Variants in UGGT2 observed in about 807,000 individuals in gnomAD.
UGGT2 encodes UDP-glucose:glycoprotein glucosyltransferase 2.
UGGT2 carries 180 observed loss-of-function variants against 192.1 expected under a neutral mutation model. That is an observed-to-expected ratio of 0.94 (90% CI 0.83 to 1.06). UGGT2 has a LOEUF of 1.06. UGGT2 is among the 50% of genes least tolerant of loss of function. The pLI, the probability that UGGT2 is intolerant of heterozygous loss-of-function variation, is 0.00. For synonymous variants in UGGT2, 580 were observed against 591.0 expected (o/e 0.98, Z 0.27); for missense variants, 1,849 against 1,795.7 (o/e 1.03, Z -0.54).
chr13:96,048,847 A>G (rs572647035), intron 1 of UGGT2, among the ~76,000 whole-genome samples: 1 of 152,190 alleles, frequency 6.6e-6, no homozygotes, highest in South Asian at 2.1e-4. Context: ...ATAATAGCCT[A>G]CCAAACAAAA....
At chr13:95,953,270 T>C (rs922551785) in intron 12 of UGGT2, among the ~76,000 whole-genome samples, 1 of 152,228 alleles carries the variant, frequency 6.6e-6, no homozygotes, top group African/African-American at 2.4e-5. Context: ...ATGCTACGTC[T>C]AAGTTTATGG....
At chr13:95,845,809 A>G (rs143942019) in intron 36 of UGGT2, among the ~76,000 whole-genome samples, 67 of 143,742 alleles carry the variant, frequency 4.7e-4, no homozygotes, top group African/African-American at 1.7e-3. Context: ...CGCTCTTCAC[A>G]TCTCAGACGG....
chr13:95,896,611 G>A (rs995180604), intron 22 of UGGT2, among the ~76,000 whole-genome samples: 1 of 151,974 alleles, frequency 6.6e-6, no homozygotes, highest in Non-Finnish European at 1.5e-5. Context: ...TTGTTTTAAG[G>A]GGTTAACTAC....
intron 15 of UGGT2, among the ~76,000 whole-genome samples, chr13:95,942,942 T>C (rs1356545847): frequency 6.6e-6 from 1 of 152,194 alleles, no homozygotes. Flanking sequence ...TCAAATGATT[T>C]TTACACAAGG....
chr13:95,807,974 T>A (rs1169312083), intron 38 of UGGT2, among the ~76,000 whole-genome samples: 1 of 152,100 alleles, frequency 6.6e-6, no homozygotes, highest in East Asian at 1.9e-4. Flanking sequence ...GAGTACTTTG[T>A]GTAACAAGGC....
intron 25 of UGGT2, among the ~76,000 whole-genome samples, chr13:95,888,451 G>A (rs2047708200): frequency 6.6e-6 from 1 of 152,108 alleles, no homozygotes. Context: ...TACTAATTTT[G>A]ATAGTCCCCA....
intron 7 of UGGT2, among the ~76,000 whole-genome samples, chr13:95,993,442 C>T (rs1327477952): frequency 6.6e-6 from 1 of 152,038 alleles, no homozygotes; most frequent in Non-Finnish European, 1.5e-5. Context: ...CAGTGTTCCA[C>T]GTGATCTTTT....
At chr13:95,834,725 T>C (rs1445562506) in intron 37 of UGGT2, among the ~76,000 whole-genome samples, 1 of 152,152 alleles carries the variant, frequency 6.6e-6, no homozygotes, top group Non-Finnish European at 1.5e-5. Flanking sequence ...GTATTGCTAT[T>C]GCTAGGAAGT....
At chr13:95,850,594 C>T (rs187815112) in intron 36 of UGGT2, among the ~76,000 whole-genome samples, 21 of 152,304 alleles carry the variant, frequency 1.4e-4, no homozygotes, top group East Asian at 3.9e-4. Context: ...AGACTGTGTA[C>T]GGGCCCAACA....
At chr13:95,856,788 ATAAAT>A in intron 33 of UGGT2, 1 of 268,934 alleles carries the variant, frequency 3.7e-6, no homozygotes, top group Non-Finnish European at 7.2e-6. Context: ...TTCTAAGCTG[ATAAAT>A]TAGATTCTAT....
chr13:95,940,057 A>G lies in UGGT2; in HGVS notation c.1712T>C (p.Leu571Pro), dbSNP rs756532917. The change falls in exon 16 of 39, where the codon CTC becomes CCC. Residue 571 changes from leucine to proline, a missense_variant. Coordinates refer to ENST00000376747, the MANE Select transcript of UGGT2 (RefSeq NM_020121.4). ...YQKVKKDQNI[L>P]TVDNVKSVLQ... is the part of the protein sequence containing the mutation. ...AACACTCTTCACATTGTCCACAGTG[A>G]GTATATTTTGATCCTTCTTCACTTT... 5.1e-6 allele frequency: 8 copies of G among 1,560,584 alleles called. No individual in the cohort carries two copies. The highest frequency in any genetic ancestry group is 6.9e-6 in the Non-Finnish European group (8 of 1,152,100).
intron 12 of UGGT2, among the ~76,000 whole-genome samples, chr13:95,968,742 T>A (rs528667920): frequency 2.9e-4 from 44 of 152,304 alleles, no homozygotes; most frequent in Admixed American, 9.2e-4. Context: ...TTTTTATGAA[T>A]TACCCAGTCT....
At chr13:95,997,543 T>G (rs571353913) in intron 6 of UGGT2, among the ~76,000 whole-genome samples, 1 of 152,218 alleles carries the variant, frequency 6.6e-6, no homozygotes, top group South Asian at 2.1e-4. Context: ...CTCAGGAGGC[T>G]GAAGCAAGAG....
chr13:96,009,764 C>T (rs1348109300), intron 5 of UGGT2, among the ~76,000 whole-genome samples: 4 of 152,076 alleles, frequency 2.6e-5, no homozygotes, highest in Non-Finnish European at 4.4e-5. Context: ...GCCGAGATCG[C>T]GCCACTGCAC....
chr13:95,985,020 A>C (rs1594509873), intron 9 of UGGT2: 1 of 162,684 alleles, frequency 6.1e-6, no homozygotes, highest in Middle Eastern at 2.9e-3. Context: ...GCCATTAAGC[A>C]ATGTTAGCAT....
chr13:95,938,728 G>C lies in UGGT2; in HGVS notation c.1812+1229C>G, dbSNP rs138013224. Among the ~76,000 whole-genome samples the C allele has an allele frequency of 6.1e-3, 933 of 152,182 alleles. 18 individuals carry two copies. The highest frequency in any genetic ancestry group is 4.3e-3 in the Non-Finnish European group (292 of 68,002). On this transcript the variant is annotated intron_variant, in intron 16 of 38. Transcript: ENST00000376747. The stretch of plus-strand genomic sequence containing the variant: ...GCAATGGCATCAACACTACCAGTTA[G>C]TTGTTCAGCTGAACCCTGGGAGTTA...
At chr13:96,047,243 T>C (rs1034671259) in intron 1 of UGGT2, among the ~76,000 whole-genome samples, 3 of 152,262 alleles carry the variant, frequency 2.0e-5, no homozygotes, top group East Asian at 1.9e-4. Flanking sequence ...TGACACCTCA[T>C]ACAGCCGGGT....
intron 1 of UGGT2, among the ~76,000 whole-genome samples, chr13:96,047,721 G>C (rs1252198175): frequency 6.6e-6 from 1 of 152,056 alleles, no homozygotes; most frequent in East Asian, 1.9e-4. Context: ...AACCAACAAA[G>C]ATCAGAAGAG....
At chr13:95,919,457 T>C (rs1329688873) in intron 20 of UGGT2, among the ~76,000 whole-genome samples, 1 of 152,150 alleles carries the variant, frequency 6.6e-6, no homozygotes, top group East Asian at 1.9e-4. Flanking sequence ...TGATCTTATA[T>C]CTAGAAAACC....
Sources: allele counts gnomAD v4.1 joint callset (sites outside exome capture counted in the v4.1 genomes callset), GRCh38; gene constraint gnomAD v4.1.1; transcripts MANE v1.5; gene names NCBI Gene and HGNC (gene_info 2026-07-23, HGNC 2026-07-21).